The following TMEM26 variants were observed in gnomAD, a reference collection of about 807,000 sequenced individuals.
TMEM26 encodes the protein transmembrane protein 26.
TMEM26 carries 38 observed loss-of-function variants against 28.8 expected under a neutral mutation model. The ratio of observed to expected loss-of-function variants is 1.32; its 90% confidence interval spans 1.02 to 1.73. The LOEUF (loss-of-function observed/expected upper bound fraction) is 1.73. Among genes scored for constraint, TMEM26 ranks in the 40% most tolerant of loss-of-function variants. The pLI is 0.00. For synonymous variants in TMEM26, 227 were observed against 182.9 expected, an observed-to-expected ratio of 1.24 and a Z score of -1.95; for missense variants, 518 against 447.1, an observed-to-expected ratio of 1.16 and a Z score of -1.43.
Position 61,408,075 on chromosome 10 carries a change from T to A in TMEM26, c.*2247A>T, listed in dbSNP as rs1268896757. On this transcript the variant is annotated 3_prime_UTR_variant, in exon 6 of 6. Transcript: ENST00000399298. ...TCAAATAAACTAAGCAAATGCATAT[T>A]TTTTTTTCCTATTATAAAAGCAGCC... 6.6e-6 allele frequency: 1 copy of A among 151,980 alleles called. No individual in the cohort carries two copies. The highest frequency in any genetic ancestry group is 6.6e-5 in the Admixed American group (1 of 15,250). 9.4% of individuals were successfully genotyped at this position (151,980 alleles called of 1,614,324 possible). A position where few individuals can be genotyped will look rare whatever the true frequency, so the allele number is the denominator to read the frequency against.
intron 4 of TMEM26, among the ~76,000 whole-genome samples, chr10:61,427,451 A>C (rs568188295): frequency 2.0e-5 from 3 of 152,128 alleles, no homozygotes; most frequent in Admixed American, 2.0e-4. Flanking sequence ...AAAATGCCTT[A>C]TGGTTTTCAA....
rs538698331 is a variant in TMEM26 at position 61,448,222 on chromosome 10, C to T, written c.191+4669G>A. Among the ~76,000 whole-genome samples the T allele has an allele frequency of 3.3e-5, 5 of 152,366 alleles. No homozygotes were observed. The South Asian group carries it at 1.0e-3, about 32-fold the overall frequency. The stretch of plus-strand genomic sequence containing the variant: ...ACCTCTCTCCGGATGCAGCTCTCAC[C>T]CATTCTTCCTGTGACAGCTCAAATG... On this transcript the variant is annotated intron_variant, in intron 1 of 5. Coordinates refer to ENST00000399298, the MANE Select transcript of TMEM26 (RefSeq NM_178505.8).
At chr10:61,426,372 T>C (rs1839832482) in intron 4 of TMEM26, among the ~76,000 whole-genome samples, 1 of 152,140 alleles carries the variant, frequency 6.6e-6, no homozygotes, top group Non-Finnish European at 1.5e-5. Context: ...AATTACTAAA[T>C]ATCATTAAAC....
chr10:61,443,256 T>C (rs1346423537), intron 1 of TMEM26, among the ~76,000 whole-genome samples: 1 of 145,818 alleles, frequency 6.9e-6, no homozygotes, highest in Non-Finnish European at 1.5e-5. Flanking sequence ...ATCGAGACCA[T>C]CCTGGCTAAC....
rs985429759 is a variant in TMEM26 at position 61,431,234 on chromosome 10, A to G, written c.369T>C (p.Asp123=). 3.1e-6 allele frequency: 5 copies of G among 1,612,552 alleles called. No homozygotes were observed. In the African/African-American group the frequency reaches 5.3e-5, roughly 17 times the overall value. ...LTSNEQTSRA[D]DLIETAKVFV... ...AAGCTCTCACCGTCTCAATGAGATC[A>G]TCAGCTCTACTGGTTTGTTCATTGG... Residue 123 remains aspartate, a synonymous_variant, in exon 3 of 6, where the codon GAT becomes GAC. Transcript: ENST00000399298.
intron 5 of TMEM26, 93 bp from the exon 6 acceptor site, chr10:61,410,839 G>T: frequency 8.4e-7 from 1 of 1,184,298 alleles, no homozygotes; most frequent in Non-Finnish European, 1.2e-6. Context: ...AATGGGGACT[G>T]TGCTAGTAAT....
intron 1 of TMEM26, among the ~76,000 whole-genome samples, chr10:61,451,332 A>AG (rs1381261881): frequency 6.6e-6 from 1 of 152,170 alleles, no homozygotes; most frequent in African/African-American, 2.4e-5. Context: ...CTACTCTTGG[A>AG]GGGGGAGAGC....
At position 61,407,376 on chromosome 10, in the gene TMEM26, G is replaced by A. The variant is rs1024351950; in HGVS notation, c.*2946C>T. The A allele has an allele frequency of 5.3e-5, 8 of 152,090 alleles. No homozygotes were observed. The highest frequency in any genetic ancestry group is 1.9e-4 in the African/African-American group (8 of 41,406). 9.4% of individuals were successfully genotyped at this position (152,090 alleles called of 1,614,324 possible). A position where few individuals can be genotyped will look rare whatever the true frequency, so the allele number is the denominator to read the frequency against. On this transcript the variant is annotated 3_prime_UTR_variant, in exon 6 of 6. Transcript: ENST00000399298. ...TAGTGGAACTACAACAGTGCCAAGA[G>A]TAAATTTGTATCAGACTCTTCACTG... is the stretch of plus-strand genomic sequence containing the variant.
chr10:61,451,011 A>G (rs1301540658), intron 1 of TMEM26, among the ~76,000 whole-genome samples: 1 of 152,220 alleles, frequency 6.6e-6, no homozygotes, highest in African/African-American at 2.4e-5. Context: ...CAGGTAAGAA[A>G]TTGAGGCTGA....
intron 1 of TMEM26, among the ~76,000 whole-genome samples, chr10:61,439,289 T>A (rs1241427005): frequency 6.6e-6 from 1 of 152,220 alleles, no homozygotes; most frequent in African/African-American, 2.4e-5. Context: ...TAATGCAAGC[T>A]CCATGAAGGA....
chr10:61,430,428 C>A (rs55722642), intron 3 of TMEM26, among the ~76,000 whole-genome samples: 8,080 of 151,742 alleles, frequency 0.053, 272 homozygotes, highest in Non-Finnish European at 0.081. Flanking sequence ...TAAACATCTA[C>A]AAAATACATA....
intron 1 of TMEM26, 90 bp downstream of exon 1, chr10:61,452,801 T>A: frequency 6.9e-7 from 1 of 1,455,424 alleles, no homozygotes; most frequent in African/African-American, 1.4e-5. Flanking sequence ...TCGAGTAGAA[T>A]CTGCGGGTTG....
At chr10:61,451,775 A>G (rs1353451953) in intron 1 of TMEM26, among the ~76,000 whole-genome samples, 1 of 152,178 alleles carries the variant, frequency 6.6e-6, no homozygotes, top group Non-Finnish European at 1.5e-5. Context: ...TAGAAAATGT[A>G]AGTAAGATTC....
In TMEM26 at chr10:61,407,036, T is replaced by C. The variant is rs1374599531; in HGVS notation, c.*3286A>G. 6.6e-6 allele frequency: 1 copy of C among 152,164 alleles called. No homozygotes were observed. Among genetic ancestry groups the C allele is most frequent in the African/African-American group, 2.4e-5 (1 of 41,446 alleles). 9.4% of individuals were successfully genotyped at this position (152,164 alleles called of 1,614,324 possible). On this transcript the variant is annotated 3_prime_UTR_variant, in exon 6 of 6. Coordinates refer to ENST00000399298, the MANE Select transcript of TMEM26 (RefSeq NM_178505.8). The stretch of plus-strand genomic sequence containing the variant: ...TGGTGTTTCATTTGCGTCTCTGTAG[T>C]ATACGTCACCATCCCTCTTTCTTAG...
At chr10:61,441,678 A>G (rs1012798906) in intron 1 of TMEM26, among the ~76,000 whole-genome samples, 3 of 152,194 alleles carry the variant, frequency 2.0e-5, no homozygotes, top group Admixed American at 6.5e-5. Context: ...ATAAAAGCTG[A>G]TAAGTATATG....
At position 61,452,919 on chromosome 10, in the gene TMEM26, T is replaced by A. The variant is rs1028462711; in HGVS notation, c.163A>T (p.Lys55Ter). 6.2e-7 allele frequency: 1 copy of A among 1,613,790 alleles called. No individual in the cohort carries two copies. The highest frequency in any genetic ancestry group is 1.7e-5 in the Admixed American group (1 of 60,000). Residue 55 changes from lysine to a stop codon, truncating the protein, a stop_gained, in exon 1 of 6, where the codon AAG (lysine) becomes TAG (stop). Coordinates refer to ENST00000399298, the MANE Select transcript of TMEM26 (RefSeq NM_178505.8). LOFTEE classifies it high-confidence loss of function. The part of the protein sequence containing the change: ...LLFLETALTL[K>*]FKRGRGYKWF... Reference sequence around the variant, plus strand: ...TTGTAGCCTCTGCCGCGCTTGAACTTGAGGGTGAGCGCAGTCTCCAGGAAG... The same window carrying A: ...TTGTAGCCTCTGCCGCGCTTGAACTAGAGGGTGAGCGCAGTCTCCAGGAAG...
At chr10:61,436,706 T>C (rs1202479723) in intron 1 of TMEM26, among the ~76,000 whole-genome samples, 1 of 152,228 alleles carries the variant, frequency 6.6e-6, no homozygotes, top group Non-Finnish European at 1.5e-5. Flanking sequence ...AATAATATGA[T>C]GCTGGAACAC....
chr10:61,449,486 G>T (rs1034424734), intron 1 of TMEM26, among the ~76,000 whole-genome samples: 11 of 152,138 alleles, frequency 7.2e-5, no homozygotes, highest in African/African-American at 2.7e-4. Flanking sequence ...CTGGATAAGT[G>T]TCATATGTTT....
In TMEM26 at chr10:61,429,164, C is replaced by T. The variant is rs771109577; in HGVS notation, c.385-18G>A. 6.3e-7 allele frequency: 1 copy of T among 1,598,080 alleles called. No individual in the cohort carries two copies. Among genetic ancestry groups the T allele is most frequent in the Non-Finnish European group, 8.6e-7 (1 of 1,167,572 alleles). On this transcript the variant is annotated intron_variant, in intron 3 of 5. Coordinates refer to ENST00000399298, the MANE Select transcript of TMEM26 (RefSeq NM_178505.8). ...ACTTTGGCCTGTTTAACAGAAATGT[C>T]ATACAGACAGGATTATCAGCCACCA...
Sources: allele counts gnomAD v4.1 joint callset (sites outside exome capture counted in the v4.1 genomes callset), GRCh38; gene constraint gnomAD v4.1.1; transcripts MANE v1.5; gene names NCBI Gene and HGNC (gene_info 2026-07-23, HGNC 2026-07-21).